The following METTL22 variants were observed in gnomAD, a reference collection of about 807,000 sequenced individuals.
METTL22 encodes methyltransferase 22, Kin17 lysine.
Under a neutral mutation model 48.4 loss-of-function variants are expected in METTL22, and 51 were observed. The observed-to-expected ratio is 1.05, with a 90% CI of 0.84 to 1.33. METTL22 has a LOEUF of 1.33. Among genes scored for constraint, METTL22 ranks in the 40% most tolerant of loss-of-function variants. METTL22 has a pLI of 0.00. For missense variants in METTL22, 678 were observed against 526.9 expected (o/e 1.29, Z -2.81); for synonymous variants, 255 against 214.1 (o/e 1.19, Z -1.67).
At chr16:8,626,461 T>G (rs1162928335) in intron 2 of METTL22, among the ~76,000 whole-genome samples, 1 of 150,104 alleles carries the variant, frequency 6.7e-6, no homozygotes, top group Non-Finnish European at 1.5e-5. Context: ...TTTTTTTTTT[T>G]TTTTTGAGAC....
chr16:8,629,191 C>T lies in METTL22; in HGVS notation c.514+81C>T, dbSNP rs184418743. 1.1e-3 allele frequency: 1,646 copies of T among 1,528,534 alleles called. 14 individuals carry two copies. The African/African-American group carries it at 0.019, about 17-fold the overall frequency. The allele number at this position is 1,528,534 out of a possible 1,614,324, so 94.7% of individuals were successfully genotyped here. A position where few individuals can be genotyped will look rare whatever the true frequency, so the allele number is the denominator to read the frequency against. On this transcript the variant is annotated intron_variant, in intron 3 of 10. Transcript: ENST00000381920. Reference sequence around the variant, plus strand: ...TGCTCAGGGCTCAGTATGATCTGAGCGTGGACTCTGCAGGCCCAGGCAGCA... The same window carrying T: ...TGCTCAGGGCTCAGTATGATCTGAGTGTGGACTCTGCAGGCCCAGGCAGCA...
chr16:8,622,408 A>G (rs1276042203), intron 1 of METTL22, among the ~76,000 whole-genome samples: 1 of 152,152 alleles, frequency 6.6e-6, no homozygotes, highest in African/African-American at 2.4e-5. Flanking sequence ...ACAGCCTTAG[A>G]AGAGCCAAGA....
intron 3 of METTL22, chr16:8,632,138 G>T (rs1422164612): frequency 6.6e-6 from 1 of 152,174 alleles, no homozygotes; most frequent in African/African-American, 2.4e-5. Flanking sequence ...GTGCCCTTAA[G>T]GTCGGCCACA....
At chr16:8,628,454 A>G (rs2056136992) in intron 2 of METTL22, among the ~76,000 whole-genome samples, 1 of 151,868 alleles carries the variant, frequency 6.6e-6, no homozygotes, top group African/African-American at 2.4e-5. Flanking sequence ...TGATAATGGT[A>G]TCTTCACAGC....
At chr16:8,640,926 A>C (rs1200358969) in intron 6 of METTL22, among the ~76,000 whole-genome samples, 4 of 78,814 alleles carry the variant, frequency 5.1e-5, no homozygotes, top group Non-Finnish European at 8.4e-5. Flanking sequence ...GGATGGATGG[A>C]TGGATGGATG....
chr16:8,655,716 A>C, the METTL22 span, among the ~76,000 whole-genome samples: 1 of 152,248 alleles, frequency 6.6e-6, no homozygotes, highest in Non-Finnish European at 1.5e-5. Context: ...GGAAGTGGGC[A>C]AGCCCGCCAG....
chr16:8,633,127 CAG>C (rs1266297343), intron 3 of METTL22, among the ~76,000 whole-genome samples: 1 of 152,128 alleles, frequency 6.6e-6, no homozygotes, highest in Non-Finnish European at 1.5e-5. Flanking sequence ...GACGCTGACA[CAG>C]AGGGCCTGGG....
At chr16:8,661,705 CATATT>C in the METTL22 span, among the ~76,000 whole-genome samples, 2 of 141,800 alleles carry the variant, frequency 1.4e-5, no homozygotes, top group Admixed American at 1.5e-4. Flanking sequence ...ACTTTGTACT[CATATT>C]ATTTTATTCT....
chr16:8,664,437 G>T, the METTL22 span, among the ~76,000 whole-genome samples: 2 of 151,662 alleles, frequency 1.3e-5, no homozygotes. Context: ...GAGCCACCAC[G>T]CCCAGCCTAC....
At chr16:8,657,907 C>G in the METTL22 span, among the ~76,000 whole-genome samples, 1 of 151,114 alleles carries the variant, frequency 6.6e-6, no homozygotes, top group African/African-American at 2.5e-5. Context: ...GCCTCAACCT[C>G]CTGGACTCAA....
intron 1 of METTL22, chr16:8,623,694 G>A (rs536657185): frequency 6.6e-6 from 1 of 152,332 alleles, no homozygotes; most frequent in African/African-American, 2.4e-5. Flanking sequence ...TGTTGAGTAG[G>A]AAAGCTAGCA....
the METTL22 span, among the ~76,000 whole-genome samples, chr16:8,660,332 C>T: frequency 6.6e-6 from 1 of 151,994 alleles, no homozygotes; most frequent in South Asian, 2.1e-4. Flanking sequence ...CACCACCACA[C>T]CTGGCTAATT....
intron 3 of METTL22, among the ~76,000 whole-genome samples, chr16:8,630,417 G>A (rs6498275): frequency 0.99 from 150,349 of 152,260 alleles, 74,266 homozygotes; most frequent in Middle Eastern, 1. Flanking sequence ...GGGTCACACA[G>A]CTAGTCAGTG....
At chr16:8,630,606 C>G (rs1485311293) in intron 3 of METTL22, among the ~76,000 whole-genome samples, 1 of 152,162 alleles carries the variant, frequency 6.6e-6, no homozygotes, top group African/African-American at 2.4e-5. Flanking sequence ...GGGGAGCAAA[C>G]CTGTCAGTTA....
In METTL22 at chr16:8,623,349, A is replaced by G. The variant is rs73491481; in HGVS notation, c.-171+1574A>G. 3.3e-3 allele frequency among the ~76,000 whole-genome samples: 504 copies of G among 151,928 alleles called. 3 individuals are homozygous for G. Among genetic ancestry groups the G allele is most frequent in the African/African-American group, 0.011 (471 of 41,468 alleles). On this transcript the variant is annotated intron_variant, in intron 1 of 10. Transcript: ENST00000381920. Reference sequence around the variant, plus strand: ...AAAATGCGCTATGGCAAAAAAAGAAATGGCATCCTTTGGTTCACTTTTGAT... The same window carrying G: ...AAAATGCGCTATGGCAAAAAAAGAAGTGGCATCCTTTGGTTCACTTTTGAT...
chr16:8,645,929 G>A (rs182308798), intron 10 of METTL22, 179 bp from the exon 11 acceptor site: 1,777 of 1,255,318 alleles, frequency 1.4e-3, no homozygotes, highest in Non-Finnish European at 1.6e-3. Flanking sequence ...CAGTAAAATA[G>A]AACAGCCCAG....
chr16:8,627,754 T>C (rs944454848), intron 2 of METTL22, among the ~76,000 whole-genome samples: 2 of 152,168 alleles, frequency 1.3e-5, no homozygotes, highest in Non-Finnish European at 2.9e-5. Flanking sequence ...TGAAAATAGA[T>C]ACATTTTATG....
intron 8 of METTL22, 94 bp from the exon 9 acceptor site, chr16:8,642,369 G>A (rs1042305786): frequency 3.0e-6 from 4 of 1,325,070 alleles, no homozygotes; most frequent in Non-Finnish European, 4.4e-6. Flanking sequence ...GTTCCGTGGT[G>A]ATAAGCATTC....
At chr16:8,640,934 ATGGATGGATGGGTGGG>A (rs1461296718) in intron 6 of METTL22, among the ~76,000 whole-genome samples, 181 bp from the exon 7 acceptor site, 20 of 13,524 alleles carry the variant, frequency 1.5e-3, no homozygotes, top group African/African-American at 3.6e-3. Context: ...GGATGGATGG[ATGGATGGATGGGTGGG>A]TGGATGGCTG....
Sources: gnomAD v4.1 joint callset for allele counts (sites outside exome capture counted in the v4.1 genomes callset) on GRCh38, gnomAD v4.1.1 for gene constraint, MANE v1.5 for transcripts, NCBI Gene and HGNC (gene_info 2026-07-23, HGNC 2026-07-21) for gene names.